TMC2: variants seen among roughly 807,000 people sequenced by gnomAD.
The protein encoded by TMC2 is transmembrane channel-like protein 2.
Under a neutral mutation model 105.9 loss-of-function variants are expected in TMC2, and 102 were observed. That is an observed-to-expected ratio of 0.96 (90% CI 0.82 to 1.14). TMC2 has a LOEUF of 1.14. Ranked by LOEUF, TMC2 falls within the 50% of genes most tolerant of loss-of-function variation. The pLI, the probability that TMC2 is intolerant of heterozygous loss-of-function variation, is 0.00. For synonymous variants in TMC2, 402 were observed against 422.8 expected, an observed-to-expected ratio of 0.95 and a Z score of 0.60; for missense variants, 1,093 against 1,134.3, an observed-to-expected ratio of 0.96 and a Z score of 0.52.
At position 2,592,457 on chromosome 20, in the gene TMC2, T is replaced by C. The variant is rs370293293; in HGVS notation, c.933+49T>C. 128 of 1,253,944 alleles carry C rather than the reference T, an allele frequency of 1.0e-4. No homozygotes were observed. The highest frequency in any genetic ancestry group is 1.3e-4 in the Non-Finnish European group (108 of 851,530). The allele number at this position is 1,253,944 out of a possible 1,614,324, so 77.7% of individuals were successfully genotyped here. On this transcript the variant is annotated intron_variant, in intron 8 of 19. Transcript: ENST00000358864. The surrounding 1 kb of genome is among the most constrained non-coding windows in gnomAD (Gnocchi z 4.9). ...AACTTCCATTTGTGATTATAAAGGC[T>C]AAAGATTGCATGGATAAGTATGAAA...
chr20:2,544,775 A>G (rs2422778), intron 2 of TMC2, among the ~76,000 whole-genome samples: 83,500 of 152,002 alleles, frequency 0.55, 23,124 homozygotes, highest in African/African-American at 0.59. Context: ...ATTATGAAAC[A>G]AAGGCTGGGT....
At chr20:2,566,589 G>A (rs1394465184) in intron 4 of TMC2, among the ~76,000 whole-genome samples, 1 of 152,166 alleles carries the variant, frequency 6.6e-6, no homozygotes. Flanking sequence ...GTGATTAGAG[G>A]ACTTCTGCTT....
At chr20:2,561,224 T>C (rs1264238059) in intron 3 of TMC2, among the ~76,000 whole-genome samples, 8 of 152,216 alleles carry the variant, frequency 5.3e-5, no homozygotes. Flanking sequence ...GATACAAATA[T>C]CAAAGGAAAA....
intron 2 of TMC2, among the ~76,000 whole-genome samples, chr20:2,553,655 T>C (rs936350670): frequency 1.3e-5 from 2 of 152,228 alleles, no homozygotes; most frequent in Non-Finnish European, 1.5e-5. Flanking sequence ...ATTTCTTCTT[T>C]AAACATTTGA....
intron 5 of TMC2, among the ~76,000 whole-genome samples, chr20:2,575,795 G>A (rs2086140283): frequency 6.6e-6 from 1 of 150,446 alleles, no homozygotes; most frequent in Non-Finnish European, 1.5e-5. Flanking sequence ...AATTTATCAG[G>A]TTTATTCTCA....
chr20:2,586,324 T>C (rs1367422575), intron 7 of TMC2, among the ~76,000 whole-genome samples: 5 of 152,210 alleles, frequency 3.3e-5, no homozygotes, highest in Admixed American at 3.3e-4. Context: ...TAGACATGCC[T>C]GTGTTCAAAC....
rs908975976 is a variant in TMC2 at position 2,624,478 on chromosome 20, T to C, written c.2306+82T>C. On this transcript the variant is annotated intron_variant, in intron 17 of 19. Coordinates refer to ENST00000358864, the MANE Select transcript of TMC2 (RefSeq NM_080751.3). ...ACTTCCTTGGCAGGTCCTTTTCATC[T>C]TGCCTTCTTAGTCTGCACTCCCCAG... is the stretch of plus-strand genomic sequence containing the variant. The C allele has an allele frequency of 1.9e-5, 29 of 1,506,844 alleles. No homozygotes were observed. In the South Asian group the frequency reaches 3.6e-4, roughly 19 times the overall value. The allele number at this position is 1,506,844 out of a possible 1,614,324, so 93.3% of individuals were successfully genotyped here.
intron 17 of TMC2, among the ~76,000 whole-genome samples, chr20:2,624,947 G>A (rs549373715): frequency 5.3e-5 from 8 of 152,282 alleles, no homozygotes; most frequent in South Asian, 4.1e-4. Context: ...AGCACTACTC[G>A]ATGGAGCAGC....
chr20:2,607,163 T>A (rs892487432), intron 11 of TMC2, among the ~76,000 whole-genome samples: 5 of 152,170 alleles, frequency 3.3e-5, no homozygotes, highest in Non-Finnish European at 7.4e-5. Flanking sequence ...CATTTTTATA[T>A]AAAGTTAGTT....
Position 2,558,629 on chromosome 20 carries a change from C to A in TMC2, c.256C>A (p.Gln86Lys). 3.2e-6 allele frequency: 5 copies of A among 1,565,708 alleles called. No individual in the cohort carries two copies. The highest frequency in any genetic ancestry group is 3.5e-6 in the Non-Finnish European group (4 of 1,154,820). ...RRRHREELGEQERGEAERTCE... is the reference protein window; with the variant it reads ...RRRHREELGEKERGEAERTCE... ...GAGACACAGAGAAGAGCTGGGGGAGCAGGAGCGGGGCGAGGCAGAGAGGAC... is the reference window on the plus strand; with the variant it reads ...GAGACACAGAGAAGAGCTGGGGGAGAAGGAGCGGGGCGAGGCAGAGAGGAC... Residue 86 changes from glutamine to lysine, a missense_variant, in exon 3 of 20, where the codon CAG (glutamine) becomes AAG (lysine). Transcript: ENST00000358864. This position sits in a 1 kb window ranked among gnomAD's most constrained non-coding sequence, Gnocchi z 4.6.
intron 18 of TMC2, 85 bp from the exon 19 acceptor site, chr20:2,637,387 CAA>C (rs59750367): frequency 5.8e-4 from 364 of 623,764 alleles, no homozygotes; most frequent in Non-Finnish European, 6.9e-4. Flanking sequence ...GACTCTGTCT[CAA>C]AAAAAAAAAA....
chr20:2,541,557 C>T (rs1460347261), intron 2 of TMC2, among the ~76,000 whole-genome samples: 1 of 151,166 alleles, frequency 6.6e-6, no homozygotes, highest in Non-Finnish European at 1.5e-5. Flanking sequence ...ACAAGAATCT[C>T]TTGAATCTGG....
intron 10 of TMC2, among the ~76,000 whole-genome samples, chr20:2,599,496 T>C (rs998856652): frequency 4.0e-5 from 6 of 150,020 alleles, no homozygotes; most frequent in African/African-American, 1.5e-4. Flanking sequence ...CCCGTGATTG[T>C]AAAAACCATT....
intron 4 of TMC2, among the ~76,000 whole-genome samples, chr20:2,564,473 T>A (rs922540292): frequency 6.6e-6 from 1 of 152,178 alleles, no homozygotes; most frequent in East Asian, 1.9e-4. Context: ...TTTTGAATCC[T>A]TTCTCCCTGC....
chr20:2,537,730 G>C (rs146070727), intron 2 of TMC2, among the ~76,000 whole-genome samples: 2 of 152,130 alleles, frequency 1.3e-5, no homozygotes, highest in Non-Finnish European at 2.9e-5. Flanking sequence ...CCTTCCCACT[G>C]GGAATGTGAC....
intron 17 of TMC2, among the ~76,000 whole-genome samples, chr20:2,628,005 T>C (rs926658577): frequency 6.6e-6 from 1 of 152,036 alleles, no homozygotes. Flanking sequence ...CCATGTCTAC[T>C]AAAAATACAA....
intron 16 of TMC2, among the ~76,000 whole-genome samples, chr20:2,623,406 G>A (rs1389986114): frequency 1.3e-5 from 2 of 152,054 alleles, no homozygotes; most frequent in Non-Finnish European, 2.9e-5. Flanking sequence ...AGGCGTGGTG[G>A]CGCTCACCTG....
chr20:2,545,920 TGAA>T (rs1290903468), intron 2 of TMC2, among the ~76,000 whole-genome samples: 16 of 130,950 alleles, frequency 1.2e-4, no homozygotes, highest in African/African-American at 4.5e-4. Flanking sequence ...AAGAAAGAAA[TGAA>T]AGAAAGAAAG....
At chr20:2,538,271 G>A (rs2122785746) in intron 2 of TMC2, among the ~76,000 whole-genome samples, 1 of 152,310 alleles carries the variant, frequency 6.6e-6, no homozygotes, top group East Asian at 1.9e-4. Context: ...GAGGCTGGCA[G>A]GGGGTGCAGC....
Sources: gnomAD v4.1 joint callset for allele counts (sites outside exome capture counted in the v4.1 genomes callset) on GRCh38, gnomAD v4.1.1 for gene constraint, Gnocchi (gnomAD v3.1) non-coding constraint, MANE v1.5 for transcripts, NCBI Gene and HGNC (gene_info 2026-07-23, HGNC 2026-07-21) for gene names.